MMP2: variants seen among roughly 807,000 people sequenced by gnomAD.
The protein encoded by MMP2 is 72 kDa type IV collagenase.
In MMP2, 39 loss-of-function variants were observed where a neutral mutation model predicts 74.8. The ratio of observed to expected loss-of-function variants is 0.52; its 90% CI spans 0.40 to 0.68. MMP2 has a LOEUF of 0.68. Among genes scored for constraint, MMP2 ranks in the 30% least tolerant of loss-of-function variants. MMP2 has a pLI of 0.00. For synonymous variants in MMP2, 367 were observed against 339.8 expected (o/e 1.08, Z -0.88); for missense variants, 803 against 878.3 (o/e 0.91, Z 1.08).
At chr16:55,479,751 T>C in intron 1 of MMP2, 119 bp downstream of exon 1, 2 of 1,316,050 alleles carry the variant, frequency 1.5e-6, no homozygotes, top group Non-Finnish European at 2.2e-6. Context: ...GGGGCTTCGG[T>C]AAACAGCTTG....
Position 55,479,279 on chromosome 16 carries a change from C to G in MMP2, c.-201C>G, listed in dbSNP as rs886052124. 8.0e-5 allele frequency: 23 copies of G among 286,080 alleles called. No homozygotes were observed. Among genetic ancestry groups the G allele is most frequent in the Non-Finnish European group, 1.3e-4 (22 of 166,106 alleles). The allele number at this position is 286,080 out of a possible 1,614,324, so 17.7% of individuals were successfully genotyped here. A position where few individuals can be genotyped will look rare whatever the true frequency, so the allele number is the denominator to read the frequency against. ...CATACAAAGGGATTGCCAGGACCTG[C>G]GGCGGCGGCGGCGGCGGCGGGGGCT... On this transcript the variant is annotated 5_prime_UTR_variant, in exon 1 of 13. Coordinates refer to ENST00000219070, the MANE Select transcript of MMP2 (RefSeq NM_004530.6).
chr16:55,486,346 C>CGTGTGTGTGTGTGTGTGTGTGTG (rs1555491716), intron 5 of MMP2, among the ~76,000 whole-genome samples: 1 of 43,726 alleles, frequency 2.3e-5, no homozygotes, highest in African/African-American at 6.6e-5. Flanking sequence ...TGTGTGTGTG[C>CGTGTGTGTGTGTGTGTGTGTGTG]CTGTGTGTGT....
chr16:55,489,323 C>T (rs1962341815), intron 6 of MMP2, among the ~76,000 whole-genome samples: 1 of 152,220 alleles, frequency 6.6e-6, no homozygotes, highest in South Asian at 2.1e-4. Flanking sequence ...TTGCCCCTAG[C>T]CCATCTGCCC....
intron 11 of MMP2, among the ~76,000 whole-genome samples, chr16:55,499,491 G>C (rs1174924299): frequency 6.6e-6 from 1 of 152,176 alleles, no homozygotes; most frequent in South Asian, 2.1e-4. Context: ...TGTGGGTGCA[G>C]GTTGGCAGGG....
intron 1 of MMP2, among the ~76,000 whole-genome samples, chr16:55,482,225 T>C (rs1489514026): frequency 6.6e-6 from 1 of 152,176 alleles, no homozygotes; most frequent in Non-Finnish European, 1.5e-5. Flanking sequence ...AGGGACCTGC[T>C]CAGTTTGGGC....
In MMP2 at chr16:55,492,076, G is replaced by A. The variant is rs1365589264; in HGVS notation, c.1336+120G>A. The A allele has an allele frequency of 1.0e-5, 10 of 997,022 alleles. No individual in the cohort carries two copies. The East Asian group carries it at 1.5e-4, about 15-fold the overall frequency. 61.8% of individuals were successfully genotyped at this position (997,022 alleles called of 1,614,324 possible). ...TCATCCAGCCAGGAGTGCTGGAGAC[G>A]AGGGCAGGAAATGGGAGTGTTGACC... On this transcript the variant is annotated intron_variant, in intron 8 of 12. Transcript: ENST00000219070.
rs763201736 is a variant in MMP2 at position 55,498,391 on chromosome 16, C to T, written c.1712C>T (p.Ala571Val). 1 of 1,614,246 alleles carries T rather than the reference C, an allele frequency of 6.2e-7. No individual in the cohort carries two copies. Among genetic ancestry groups the T allele is most frequent in the Non-Finnish European group, 8.5e-7 (1 of 1,180,056 alleles). The change falls in exon 11 of 13, where the codon GCC (alanine) becomes GTC (valine). Residue 571 changes from alanine to valine, a missense_variant. Ala to Val is a moderately conservative substitution (Grantham distance 64). This residue lies in a region of MMP2 where 555 missense variants were observed against 592.0 expected (regional missense o/e 0.94). Transcript: ENST00000219070. ...CCTGATGTCCAGCGAGTGGATGCCG[C>T]CTTTAACTGGAGCAAAAACAAGAAG... ...LPPDVQRVDA[A>V]FNWSKNKKTY...
chr16:55,492,991 G>C (rs1043445145), intron 8 of MMP2, among the ~76,000 whole-genome samples, 167 bp from the exon 9 acceptor site: 1 of 152,094 alleles, frequency 6.6e-6, no homozygotes, highest in African/African-American at 2.4e-5. Flanking sequence ...AGGGCCCCAG[G>C]ACTCCCCAAG....
chr16:55,485,884 C>G (rs1962236282), intron 5 of MMP2, 107 bp downstream of exon 5: 3 of 1,196,892 alleles, frequency 2.5e-6, no homozygotes, highest in Non-Finnish European at 3.7e-6. Context: ...CTGCCACTGC[C>G]AGTTAATGAG....
At chr16:55,497,909 C>G (rs1360329773) in intron 10 of MMP2, among the ~76,000 whole-genome samples, 1 of 152,196 alleles carries the variant, frequency 6.6e-6, no homozygotes, top group Non-Finnish European at 1.5e-5. Context: ...TTGTCTCCAC[C>G]ACCTGGCTCC....
At chr16:55,503,819 G>A (rs1962728618) in intron 12 of MMP2, among the ~76,000 whole-genome samples, 2 of 152,116 alleles carry the variant, frequency 1.3e-5, no homozygotes, top group Non-Finnish European at 2.9e-5. Context: ...ATTTACAGGA[G>A]ACACTTTCTT....
rs755679196 is a variant in MMP2 at position 55,483,073 on chromosome 16, T to C, written c.318T>C (p.Asp106=). Residue 106 remains aspartate, a synonymous_variant, in exon 2 of 13, where the codon GAT becomes GAC. Coordinates refer to ENST00000219070, the MANE Select transcript of MMP2 (RefSeq NM_004530.6). ...GGAAGCCACGCTGCGGCAACCCAGATGTGGCCAACTACAACTTCTTCCCTC... is the reference window on the plus strand; with the variant it reads ...GGAAGCCACGCTGCGGCAACCCAGACGTGGCCAACTACAACTTCTTCCCTC... The part of the protein sequence containing the change: ...TMRKPRCGNP[D]VANYNFFPRK... 6.2e-7 allele frequency: 1 copy of C among 1,613,710 alleles called. No individual in the cohort carries two copies. Among genetic ancestry groups the C allele is most frequent in the Admixed American group, 1.7e-5 (1 of 59,962 alleles).
intron 5 of MMP2, chr16:55,488,341 A>T (rs1236762920): frequency 9.9e-6 from 6 of 608,166 alleles, no homozygotes; most frequent in Non-Finnish European, 1.5e-5. Flanking sequence ...GTCCCACGGG[A>T]GGGATTGGGA....
chr16:55,489,623 G>C (rs751332887), intron 6 of MMP2, 28 bp from the exon 7 acceptor site: 1 of 1,612,950 alleles, frequency 6.2e-7, no homozygotes, highest in South Asian at 1.1e-5. Context: ...TCTTTGCTGC[G>C]CCTTGACCCG....
intron 1 of MMP2, chr16:55,481,536 C>T (rs1392665409): frequency 2.4e-5 from 7 of 294,724 alleles, no homozygotes; most frequent in Non-Finnish European, 3.7e-5. Context: ...TACCAACCTC[C>T]TGTCTCATTC....
intron 1 of MMP2, among the ~76,000 whole-genome samples, chr16:55,482,686 A>G (rs1039237530): frequency 5.9e-5 from 9 of 152,208 alleles, no homozygotes; most frequent in African/African-American, 2.2e-4. Flanking sequence ...AGCACCAACA[A>G]GTGGTAGCCA....
chr16:55,498,261 G>A, intron 10 of MMP2, 28 bp from the exon 11 acceptor site: 1 of 1,613,232 alleles, frequency 6.2e-7, no homozygotes, highest in South Asian at 1.1e-5. Context: ...GTCAGCACCA[G>A]CCAACACACC....
chr16:55,498,173 G>A (rs1261617670), intron 10 of MMP2, 116 bp from the exon 11 acceptor site: 26 of 1,338,310 alleles, frequency 1.9e-5, no homozygotes, highest in Non-Finnish European at 2.5e-5. Context: ...TGAGCAGGAA[G>A]TTGCACTCTG....
chr16:55,496,838 T>G, intron 9 of MMP2, 88 bp from the exon 10 acceptor site: 21 of 1,533,836 alleles, frequency 1.4e-5, no homozygotes, highest in African/African-American at 2.7e-5. Context: ...ATCTCTGGGA[T>G]GTTTCTGGGT....
Sources: allele counts gnomAD v4.1 joint callset (sites outside exome capture counted in the v4.1 genomes callset), GRCh38; gene constraint gnomAD v4.1.1; regional missense constraint gnomAD v4.1.1; transcripts MANE v1.5; gene names NCBI Gene and HGNC (gene_info 2026-07-23, HGNC 2026-07-21).